Variants in NTN1 observed in about 807,000 individuals in gnomAD.
NTN1 encodes the protein netrin-1.
A neutral mutation model predicts 54.2 loss-of-function variants in NTN1; 11 were observed. The observed-to-expected ratio is 0.20, with a 90% CI of 0.13 to 0.34. The LOEUF (loss-of-function observed/expected upper bound fraction) is 0.34. NTN1 is among the 10% of genes least tolerant of loss of function. The pLI, the probability that NTN1 is intolerant of heterozygous loss-of-function variation, is 1.00. For synonymous variants in NTN1, 371 were observed against 382.0 expected (o/e 0.97, Z 0.33); for missense variants, 740 against 893.1 (o/e 0.83, Z 2.18).
intron 2 of NTN1, among the ~76,000 whole-genome samples, chr17:9,153,408 C>T (rs2092333330): frequency 6.6e-6 from 1 of 152,126 alleles, no homozygotes; most frequent in African/African-American, 2.4e-5. Context: ...GAGATCCTGC[C>T]ACTGCACTCC....
At chr17:9,113,585 CCT>C (rs1567713516) in intron 2 of NTN1, among the ~76,000 whole-genome samples, 1 of 151,974 alleles carries the variant, frequency 6.6e-6, no homozygotes, top group Non-Finnish European at 1.5e-5. Context: ...AGATTGGCAC[CCT>C]CTTATTGCAG....
intron 2 of NTN1, among the ~76,000 whole-genome samples, chr17:9,108,174 T>A (rs1483418824): frequency 6.6e-6 from 1 of 152,184 alleles, no homozygotes; most frequent in African/African-American, 2.4e-5. Context: ...TCAGAATTGT[T>A]GGGAAGGCTG....
chr17:9,110,123 C>T (rs376068434), intron 2 of NTN1, among the ~76,000 whole-genome samples: 32 of 152,236 alleles, frequency 2.1e-4, no homozygotes, highest in East Asian at 3.9e-4. Context: ...AATGCTTAAA[C>T]GAGTGCAGAA....
intron 5 of NTN1, among the ~76,000 whole-genome samples, chr17:9,194,711 G>C (rs1360232564): frequency 6.6e-6 from 1 of 152,158 alleles, no homozygotes; most frequent in African/African-American, 2.4e-5. Flanking sequence ...ATCAGACCCA[G>C]ATTTTCTGAC....
intron 6 of NTN1, among the ~76,000 whole-genome samples, chr17:9,224,696 T>C (rs1212497086): frequency 6.6e-6 from 1 of 152,042 alleles, no homozygotes; most frequent in Admixed American, 6.6e-5. Context: ...CTAGACCTAA[T>C]GGTGGTTACC....
chr17:9,172,466 G>A (rs978747871), intron 3 of NTN1, among the ~76,000 whole-genome samples: 2 of 151,074 alleles, frequency 1.3e-5, no homozygotes, highest in African/African-American at 2.4e-5. Context: ...GCGACAGAGC[G>A]AGACTCCGTC....
chr17:9,234,718 G>A (rs1378147329), intron 6 of NTN1, among the ~76,000 whole-genome samples: 1 of 152,204 alleles, frequency 6.6e-6, no homozygotes, highest in Non-Finnish European at 1.5e-5. Context: ...AGGAAGGGAG[G>A]ATGAAGTTGA....
At chr17:9,175,263 G>C (rs956328861) in intron 3 of NTN1, 6 of 152,234 alleles carry the variant, frequency 3.9e-5, no homozygotes, top group African/African-American at 1.4e-4. Flanking sequence ...CTGCCATCCA[G>C]GTCAGCTTTG....
At chr17:9,177,669 G>A (rs1485331735) in intron 3 of NTN1, 4 of 152,178 alleles carry the variant, frequency 2.6e-5, no homozygotes, top group Non-Finnish European at 5.9e-5. Flanking sequence ...GCATTCGCAC[G>A]GCCGACTTAG....
At chr17:9,021,608 C>A (rs1398454202) in intron 1 of NTN1, 23 bp downstream of exon 1, 1 of 151,610 alleles carries the variant, frequency 6.6e-6, no homozygotes, top group African/African-American at 2.4e-5. Flanking sequence ...GCGCCCCGGG[C>A]GCGGGCAGGG....
intron 2 of NTN1, among the ~76,000 whole-genome samples, chr17:9,030,124 G>A (rs1258152853): frequency 1.3e-5 from 2 of 152,164 alleles, no homozygotes; most frequent in Admixed American, 1.3e-4. Flanking sequence ...AGGGACTGTG[G>A]CCATGTGATT....
intron 2 of NTN1, among the ~76,000 whole-genome samples, chr17:9,074,687 A>G (rs2092043469): frequency 6.6e-6 from 1 of 152,124 alleles, no homozygotes; most frequent in South Asian, 2.1e-4. Flanking sequence ...TTGTTACTTT[A>G]CGGCCTCAGT....
At chr17:9,098,620 A>G (rs9915223) in intron 2 of NTN1, among the ~76,000 whole-genome samples, 109,623 of 152,094 alleles carry the variant, frequency 0.72, 39,982 homozygotes, top group East Asian at 0.96. Flanking sequence ...ACTGGAGCAG[A>G]CTATGGGAGG....
chr17:9,182,785 A>G (rs1567731730), intron 4 of NTN1, 131 bp from the exon 5 acceptor site: 12 of 899,032 alleles, frequency 1.3e-5, no homozygotes, highest in Non-Finnish European at 2.0e-5. Context: ...TGAGCCAAGG[A>G]GTGGGAAACG....
intron 2 of NTN1, among the ~76,000 whole-genome samples, chr17:9,151,092 C>A (rs1209563302): frequency 2.0e-5 from 3 of 152,126 alleles, no homozygotes; most frequent in East Asian, 3.9e-4. Flanking sequence ...ACAGGACTCA[C>A]CAGACTTAAG....
chr17:9,137,793 C>CAA (rs547235326), intron 2 of NTN1, among the ~76,000 whole-genome samples: 5,141 of 141,872 alleles, frequency 0.036, 90 homozygotes, highest in South Asian at 0.066. Flanking sequence ...GACTCCATCT[C>CAA]AAAAAAAAAA....
rs576859034 is a variant in NTN1, at chr17:9,027,952, C to T, written c.1018+4561C>T. ...CAGCCTGGCCAACATCGTGAAACCC[C>T]GTCTCTACTAAAGATACAAAAAATT... On this transcript the variant is annotated intron_variant, in intron 2 of 6. Transcript: ENST00000173229. 2.4e-4 allele frequency among the ~76,000 whole-genome samples: 37 copies of T among 152,140 alleles called. 5 individuals are homozygous for T. Among genetic ancestry groups the T allele is most frequent in the African/African-American group, 8.4e-4 (35 of 41,508 alleles).
chr17:9,214,704 C>T (rs954535593), intron 5 of NTN1, among the ~76,000 whole-genome samples: 2 of 152,212 alleles, frequency 1.3e-5, no homozygotes, highest in African/African-American at 4.8e-5. Flanking sequence ...CGCCTGTAGT[C>T]CCAGCTACTC....
chr17:9,201,636 T>C (rs1156626565), intron 5 of NTN1, among the ~76,000 whole-genome samples: 1 of 152,212 alleles, frequency 6.6e-6, no homozygotes, highest in African/African-American at 2.4e-5. Flanking sequence ...AGAATTGTTT[T>C]GGAAGTCTCT....
Sources: gnomAD v4.1 joint callset for allele counts (sites outside exome capture counted in the v4.1 genomes callset) on GRCh38, gnomAD v4.1.1 for gene constraint, MANE v1.5 for transcripts, NCBI Gene and HGNC (gene_info 2026-07-23, HGNC 2026-07-21) for gene names.